EXT1: variants seen among roughly 807,000 people sequenced by gnomAD.
EXT1 encodes the protein exostosin-1.
EXT1 carries 20 observed loss-of-function variants against 82.5 expected under a neutral mutation model. The ratio of observed to expected loss-of-function variants is 0.24; its 90% confidence interval spans 0.17 to 0.35. The LOEUF is 0.35. Among genes scored for constraint, EXT1 ranks in the 10% least tolerant of loss-of-function variants. EXT1 has a pLI of 1.00. For synonymous variants in EXT1, 348 were observed against 350.8 expected, an observed-to-expected ratio of 0.99 and a Z score of 0.09; for missense variants, 757 against 936.5, an observed-to-expected ratio of 0.81 and a Z score of 2.50.
rs189593860 is a variant in EXT1, at chr8:117,933,779, C to T, written c.963-96578G>A. On this transcript the variant is annotated intron_variant, in intron 1 of 10. Coordinates refer to ENST00000378204, the MANE Select transcript of EXT1 (RefSeq NM_000127.3). The stretch of plus-strand genomic sequence containing the variant: ...GGCACAGAAAGATGATACAACTGCC[C>T]CTCTATTTAATCCAGTCCACTACCC... 4.6e-5 allele frequency among the ~76,000 whole-genome samples: 7 copies of T among 152,204 alleles called. No homozygotes were observed. The East Asian group carries it at 1.4e-3, about 29-fold the overall frequency.
At chr8:117,929,389 C>T (rs1352255669) in intron 1 of EXT1, among the ~76,000 whole-genome samples, 1 of 152,238 alleles carries the variant, frequency 6.6e-6, no homozygotes, top group African/African-American at 2.4e-5. Flanking sequence ...GATACGAGCA[C>T]TTCCTCCCTG....
intron 1 of EXT1, among the ~76,000 whole-genome samples, chr8:117,992,366 C>G (rs1272150158): frequency 6.7e-6 from 1 of 148,592 alleles, no homozygotes; most frequent in Non-Finnish European, 1.5e-5. Flanking sequence ...GAGAGCAGCT[C>G]TGGGTATATA....
At chr8:117,941,319 A>G (rs1286494589) in intron 1 of EXT1, among the ~76,000 whole-genome samples, 1 of 152,218 alleles carries the variant, frequency 6.6e-6, no homozygotes, top group African/African-American at 2.4e-5. Context: ...GCCACTGGAC[A>G]GTTAGAGGAA....
At position 118,085,016 on chromosome 8, in the gene EXT1, T is replaced by A. The variant is rs545189498; in HGVS notation, c.962+25069A>T. Among the ~76,000 whole-genome samples the A allele has an allele frequency of 1.7e-3, 263 of 152,316 alleles. 1 individual carries two copies. Among genetic ancestry groups the A allele is most frequent in the African/African-American group, 6.1e-3 (255 of 41,570 alleles). ...TACAATAGATGTTTATGGAAGGAAATGGGATGAGCCTTTATGGCTAACAAG... is the reference window on the plus strand; with the variant it reads ...TACAATAGATGTTTATGGAAGGAAAAGGGATGAGCCTTTATGGCTAACAAG... On this transcript the variant is annotated intron_variant, in intron 1 of 10. Coordinates refer to ENST00000378204, the MANE Select transcript of EXT1 (RefSeq NM_000127.3).
intron 1 of EXT1, among the ~76,000 whole-genome samples, chr8:117,865,033 T>C (rs1472631638): frequency 6.6e-6 from 1 of 152,162 alleles, no homozygotes; most frequent in African/African-American, 2.4e-5. Flanking sequence ...GAAACCCAAA[T>C]GAACATCTCA....
chr8:117,974,212 A>G (rs1281204154), intron 1 of EXT1, among the ~76,000 whole-genome samples: 1 of 152,190 alleles, frequency 6.6e-6, no homozygotes, highest in Non-Finnish European at 1.5e-5. Context: ...CTTTCAGGTT[A>G]TTATCGTTTA....
At chr8:117,971,770 C>A (rs975189858) in intron 1 of EXT1, among the ~76,000 whole-genome samples, 1 of 152,218 alleles carries the variant, frequency 6.6e-6, no homozygotes, top group East Asian at 1.9e-4. Context: ...GAACTCTTTG[C>A]AAATGGTATC....
chr8:117,901,983 C>A (rs1191760162), intron 1 of EXT1, among the ~76,000 whole-genome samples: 1 of 152,024 alleles, frequency 6.6e-6, no homozygotes, highest in African/African-American at 2.4e-5. Flanking sequence ...TAGGTGTGAG[C>A]CACTGCGCCC....
intron 1 of EXT1, among the ~76,000 whole-genome samples, chr8:118,041,665 AGAAGGAAGGAAGGAAGGAAG>A (rs57360744): frequency 6.0e-4 from 75 of 125,182 alleles, no homozygotes; most frequent in East Asian, 2.6e-3. Flanking sequence ...AGAGAGAGAA[AGAAGGAAGGAAGGAAGGAAG>A]GAAGGAAGGA....
At chr8:117,885,494 C>CAAAAAAAAAAAAAAAAAG (rs1813131893) in intron 1 of EXT1, among the ~76,000 whole-genome samples, 1 of 103,418 alleles carries the variant, frequency 9.7e-6, no homozygotes, top group African/African-American at 3.7e-5. Context: ...AAGTAACAGA[C>CAAAAAAAAAAAAAAAAAG]AAAAAAAAAA....
chr8:118,050,645 T>G (rs7004377), intron 1 of EXT1, among the ~76,000 whole-genome samples: 67,838 of 151,978 alleles, frequency 0.45, 15,362 homozygotes, highest in Middle Eastern at 0.52. Context: ...AGTGTGGCTG[T>G]ATTCCAATAA....
intron 1 of EXT1, among the ~76,000 whole-genome samples, chr8:118,002,688 C>T (rs938522839): frequency 2.0e-5 from 3 of 151,754 alleles, no homozygotes; most frequent in Non-Finnish European, 2.9e-5. Context: ...CCCACCACCA[C>T]GCCCCCCTAA....
At chr8:117,815,768 T>A (rs1811799960) in intron 7 of EXT1, among the ~76,000 whole-genome samples, 2 of 151,974 alleles carry the variant, frequency 1.3e-5, no homozygotes, top group Admixed American at 6.6e-5. Context: ...CCCTCTCTAC[T>A]AAAAACACAA....
At chr8:117,945,926 G>A (rs1035694558) in intron 1 of EXT1, among the ~76,000 whole-genome samples, 1 of 152,044 alleles carries the variant, frequency 6.6e-6, no homozygotes, top group Non-Finnish European at 1.5e-5. Flanking sequence ...TTTGAGATGC[G>A]AGTTTTGCTC....
intron 1 of EXT1, among the ~76,000 whole-genome samples, chr8:118,082,188 G>A (rs1003581386): frequency 4.6e-5 from 7 of 152,142 alleles, no homozygotes; most frequent in Non-Finnish European, 7.4e-5. Flanking sequence ...CTCATCCTAA[G>A]ATACTATGCC....
chr8:117,851,650 C>CACACACACACACACACA (rs57555594), intron 1 of EXT1, among the ~76,000 whole-genome samples: 4 of 146,420 alleles, frequency 2.7e-5, no homozygotes, highest in East Asian at 4.0e-4. Flanking sequence ...CACACACACA[C>CACACACACACACACACA]CATTATTTAA....
At chr8:118,002,505 T>A (rs1028967558) in intron 1 of EXT1, among the ~76,000 whole-genome samples, 2 of 150,226 alleles carry the variant, frequency 1.3e-5, no homozygotes, top group Non-Finnish European at 3.0e-5. Context: ...ACAATCACTA[T>A]GGAAAACAGT....
chr8:117,836,864 T>C (rs944648429), intron 2 of EXT1, among the ~76,000 whole-genome samples: 1 of 152,234 alleles, frequency 6.6e-6, no homozygotes, highest in African/African-American at 2.4e-5. Context: ...AGATTTGCCT[T>C]CTGTTTCTAA....
At chr8:117,891,236 G>A (rs1586267234) in intron 1 of EXT1, among the ~76,000 whole-genome samples, 1 of 152,302 alleles carries the variant, frequency 6.6e-6, no homozygotes, top group East Asian at 1.9e-4. Flanking sequence ...ATTACAATGA[G>A]GCTTTACAAG....
Sources: gnomAD v4.1 joint callset for allele counts (sites outside exome capture counted in the v4.1 genomes callset) on GRCh38, gnomAD v4.1.1 for gene constraint, MANE v1.5 for transcripts, NCBI Gene and HGNC (gene_info 2026-07-23, HGNC 2026-07-21) for gene names.